The following CNGA1 variants were observed in gnomAD, a reference collection of about 807,000 sequenced individuals.
CNGA1 encodes cyclic nucleotide gated channel subunit alpha 1.
CNGA1 carries 53 observed loss-of-function variants against 69.7 expected under a neutral mutation model. The ratio of observed to expected loss-of-function variants is 0.76; its 90% CI spans 0.61 to 0.96. The LOEUF (loss-of-function observed/expected upper bound fraction) is 0.96, where lower values mean the gene tolerates loss of function less well. Among genes scored for constraint, CNGA1 ranks in the 40% least tolerant of loss-of-function variants. The probability of loss-of-function intolerance (pLI) is 0.00; values close to 1 mark genes in which losing one functional copy is unlikely to be tolerated. For synonymous variants in CNGA1, 249 were observed against 283.5 expected (o/e 0.88, Z 1.22); for missense variants, 739 against 811.2 (o/e 0.91, Z 1.08).
Position 47,992,502 on chromosome 4 carries a change from T to A in CNGA1, c.-122-11002A>T, listed in dbSNP as rs963354581. Among the ~76,000 whole-genome samples the A allele has an allele frequency of 1.5e-4, 23 of 152,098 alleles. 1 individual carries two copies. Among genetic ancestry groups the A allele is most frequent in the Admixed American group, 9.2e-4 (14 of 15,238 alleles). ...TTGGTGCATAGCAGAGCTACTGATTTGTGTACATTAATTTTGTATCCGGCA... is the reference window on the plus strand; with the variant it reads ...TTGGTGCATAGCAGAGCTACTGATTAGTGTACATTAATTTTGTATCCGGCA... On this transcript the variant is annotated intron_variant, in intron 2 of 10. Transcript: ENST00000514170.
Position 47,988,627 on chromosome 4 carries a change from C to T in CNGA1, c.-122-7127G>A, listed in dbSNP as rs556235627. The stretch of plus-strand genomic sequence containing the variant: ...TGGCAAAGTCTGGGGGTCCAGGACT[C>T]AATGATATTATATTTAGTATAATAT... On this transcript the variant is annotated intron_variant, in intron 2 of 10. Coordinates refer to ENST00000514170, the MANE Select transcript of CNGA1 (RefSeq NM_001379270.1). Among the ~76,000 whole-genome samples, 572 of 151,946 alleles carry T rather than the reference C, an allele frequency of 3.8e-3. 3 individuals are homozygous for T. The highest frequency in any genetic ancestry group is 6.0e-3 in the Non-Finnish European group (405 of 67,982).
chr4:47,943,061 A>G (rs755095196), intron 8 of CNGA1, 120 bp downstream of exon 8: 1 of 703,532 alleles, frequency 1.4e-6, no homozygotes, highest in Non-Finnish European at 2.5e-6. Flanking sequence ...AAAGACATTT[A>G]GTCTTTACAC....
At chr4:48,006,525 T>C (rs1236602788) in intron 2 of CNGA1, among the ~76,000 whole-genome samples, 2 of 152,186 alleles carry the variant, frequency 1.3e-5, no homozygotes, top group East Asian at 3.8e-4. Context: ...TTTGATGGTG[T>C]TTCCTGTATA....
intron 1 of CNGA1, among the ~76,000 whole-genome samples, chr4:48,012,622 C>T (rs936959985): frequency 2.4e-5 from 3 of 125,144 alleles, no homozygotes; most frequent in Non-Finnish European, 3.2e-5. Context: ...GCCTTCTTCC[C>T]CATAATTTGG....
rs555315067 is a variant in CNGA1, at chr4:47,936,135, C to T, written c.*286G>A. The T allele has an allele frequency of 3.2e-4, 146 of 463,452 alleles. No homozygotes were observed. Among genetic ancestry groups the T allele is most frequent in the African/African-American group, 2.0e-3 (104 of 51,190 alleles). The allele number at this position is 463,452 out of a possible 1,614,324, so 28.7% of individuals were successfully genotyped here. A position where few individuals can be genotyped will look rare whatever the true frequency, so the allele number is the denominator to read the frequency against. ...TTATTCATTTTTATGAAGAATATTACATAAAATGAGCGTATGTGAAAAAAT... is the reference window on the plus strand; with the variant it reads ...TTATTCATTTTTATGAAGAATATTATATAAAATGAGCGTATGTGAAAAAAT... On this transcript the variant is annotated 3_prime_UTR_variant, in exon 11 of 11. Coordinates refer to ENST00000514170, the MANE Select transcript of CNGA1 (RefSeq NM_001379270.1).
At chr4:47,945,468 G>A (rs190247516) in intron 6 of CNGA1, among the ~76,000 whole-genome samples, 30 of 152,258 alleles carry the variant, frequency 2.0e-4, no homozygotes, top group African/African-American at 7.2e-4. Flanking sequence ...ATACATTGAA[G>A]ACTGTTTGGC....
chr4:47,949,639 A>G (rs1411696027), intron 6 of CNGA1, among the ~76,000 whole-genome samples, 194 bp downstream of exon 6: 1 of 152,252 alleles, frequency 6.6e-6, no homozygotes, highest in Admixed American at 6.5e-5. Context: ...CACTATAGAC[A>G]TGATTTTTTC....
At chr4:47,958,730 C>T (rs1417435392) in intron 3 of CNGA1, among the ~76,000 whole-genome samples, 3 of 152,138 alleles carry the variant, frequency 2.0e-5, no homozygotes, top group Non-Finnish European at 4.4e-5. Flanking sequence ...CTGGCTACTA[C>T]ATGGGTACTG....
intron 8 of CNGA1, 194 bp downstream of exon 8, chr4:47,942,987 G>T (rs1047296869): frequency 2.5e-5 from 12 of 483,600 alleles, no homozygotes; most frequent in Admixed American, 2.2e-4. Context: ...TAATTTTAGG[G>T]AAATTGGAAA....
At chr4:47,952,345 G>T (rs1302681455) in intron 4 of CNGA1, among the ~76,000 whole-genome samples, 1 of 151,544 alleles carries the variant, frequency 6.6e-6, no homozygotes, top group African/African-American at 2.4e-5. Context: ...TCCAGCCTGT[G>T]CAACAGAGTG....
At position 47,942,085 on chromosome 4, in the gene CNGA1, G is replaced by A. The variant is rs918309617; in HGVS notation, c.501C>T (p.Cys167=). 1 of 1,613,352 alleles carries A rather than the reference G, an allele frequency of 6.2e-7. No individual in the cohort carries two copies. The highest frequency in any genetic ancestry group is 8.5e-7 in the Non-Finnish European group (1 of 1,179,742). Residue 167 remains cysteine (C), a synonymous_variant, in exon 9 of 11, where the codon TGC becomes TGT. Transcript: ENST00000514170. ...AGTTGTACATAACAGGTAATGTGAT[G>A]CAAAACAGCCAGTTGTAATATGTGT... ...SGNTYYNWLF[C]ITLPVMYNWT... is the part of the protein sequence containing the mutation.
At chr4:47,967,101 G>C (rs1432115569) in intron 3 of CNGA1, among the ~76,000 whole-genome samples, 1 of 152,056 alleles carries the variant, frequency 6.6e-6, no homozygotes, top group Non-Finnish European at 1.5e-5. Context: ...TCAGGAGTTG[G>C]AGACCAACCT....
intron 6 of CNGA1, among the ~76,000 whole-genome samples, chr4:47,947,390 C>A (rs925657157): frequency 1.3e-5 from 2 of 152,012 alleles, no homozygotes; most frequent in African/African-American, 2.4e-5. Flanking sequence ...AAGAAATAGC[C>A]CAGACTGGGT....
chr4:48,001,086 T>C (rs1714646927), intron 2 of CNGA1, among the ~76,000 whole-genome samples: 2 of 152,116 alleles, frequency 1.3e-5, no homozygotes. Flanking sequence ...AAAATGCAAC[T>C]AAATGTCATT....
chr4:47,946,011 G>A (rs149342622), intron 6 of CNGA1, among the ~76,000 whole-genome samples: 2 of 152,212 alleles, frequency 1.3e-5, no homozygotes, highest in African/African-American at 4.8e-5. Flanking sequence ...GTTGGTCATC[G>A]GCACAACTCC....
At chr4:47,965,823 G>A (rs1309313355) in intron 3 of CNGA1, among the ~76,000 whole-genome samples, 1 of 152,014 alleles carries the variant, frequency 6.6e-6, no homozygotes, top group Non-Finnish European at 1.5e-5. Context: ...TTACTCTGTA[G>A]TTTGAGAAAA....
intron 3 of CNGA1, among the ~76,000 whole-genome samples, chr4:47,957,172 G>T (rs1021293267): frequency 1.3e-5 from 2 of 152,058 alleles, no homozygotes; most frequent in African/African-American, 4.8e-5. Flanking sequence ...CTGACCTTAG[G>T]TGATCCACCC....
At chr4:47,952,243 A>G (rs771098747) in intron 4 of CNGA1, among the ~76,000 whole-genome samples, 1 of 151,988 alleles carries the variant, frequency 6.6e-6, no homozygotes, top group South Asian at 2.1e-4. Flanking sequence ...TGGTGCACAC[A>G]TGTAGTCCCA....
chr4:47,983,866 C>G (rs1741856933), intron 2 of CNGA1, among the ~76,000 whole-genome samples: 1 of 152,108 alleles, frequency 6.6e-6, no homozygotes, highest in African/African-American at 2.4e-5. Context: ...GGTCATTTGT[C>G]CAGAGTCACA....
Sources: gnomAD v4.1 joint callset for allele counts (sites outside exome capture counted in the v4.1 genomes callset) on GRCh38, gnomAD v4.1.1 for gene constraint, MANE v1.5 for transcripts, NCBI Gene and HGNC (gene_info 2026-07-23, HGNC 2026-07-21) for gene names.